NBAS: variants seen among roughly 807,000 people sequenced by gnomAD.
NBAS encodes the protein NBAS subunit of NRZ tethering complex, also known as NAG/BC035112 fusion.
Under a neutral mutation model 302.5 loss-of-function variants are expected in NBAS, and 219 were observed. That is an observed-to-expected ratio of 0.72 (90% CI 0.65 to 0.81). The LOEUF (loss-of-function observed/expected upper bound fraction) is 0.81, where lower values mean the gene tolerates loss of function less well. Among genes scored for constraint, NBAS ranks in the 30% least tolerant of loss-of-function variants. NBAS has a pLI of 0.00. For missense variants in NBAS, 2,932 were observed against 2,841.6 expected (o/e 1.03, Z -0.72); for synonymous variants, 1,118 against 1,021.6 (o/e 1.09, Z -1.80).
the NBAS span, among the ~76,000 whole-genome samples, chr2:15,122,483 C>T: frequency 3.3e-5 from 5 of 152,176 alleles, no homozygotes; most frequent in African/African-American, 4.8e-5. Flanking sequence ...GTTGGTGCTT[C>T]GTTCATGAGG....
the NBAS span, among the ~76,000 whole-genome samples, chr2:14,966,764 G>T: frequency 6.6e-6 from 1 of 152,196 alleles, no homozygotes; most frequent in South Asian, 2.1e-4. Context: ...CACTCTCGCC[G>T]TTTCTATTCA....
At chr2:15,534,722 A>G in intron 8 of NBAS, 81 bp from the exon 9 acceptor site, 1 of 1,087,078 alleles carries the variant, frequency 9.2e-7, no homozygotes, top group Non-Finnish European at 1.4e-6. Flanking sequence ...AATGTTTAGA[A>G]TTTAAAAGAC....
chr2:14,968,601 C>A, the NBAS span, among the ~76,000 whole-genome samples: 1 of 151,994 alleles, frequency 6.6e-6, no homozygotes, highest in Non-Finnish European at 1.5e-5. Context: ...CTGTGCCTGG[C>A]CGAACATGTT....
chr2:14,993,489 T>A, the NBAS span, among the ~76,000 whole-genome samples: 1 of 152,212 alleles, frequency 6.6e-6, no homozygotes, highest in Non-Finnish European at 1.5e-5. Context: ...TTTAGAGACA[T>A]TAATTTTTTC....
chr2:14,856,108 C>T, the NBAS span, among the ~76,000 whole-genome samples: 6 of 152,260 alleles, frequency 3.9e-5, no homozygotes, highest in South Asian at 1.2e-3. Flanking sequence ...CCCAAACATT[C>T]ACTATGTTTG....
the NBAS span, among the ~76,000 whole-genome samples, chr2:15,004,667 ATTTTTTTTTT>A: frequency 9.5e-6 from 1 of 105,454 alleles, no homozygotes; most frequent in African/African-American, 3.8e-5. Flanking sequence ...CTCCCAGCTG[ATTTTTTTTTT>A]TTTTTTTTTT....
At chr2:15,460,101 G>A (rs776697641) in intron 21 of NBAS, among the ~76,000 whole-genome samples, 6 of 152,154 alleles carry the variant, frequency 3.9e-5, no homozygotes, top group Admixed American at 1.3e-4. Flanking sequence ...GGCAGCAAGG[G>A]AGGAATGAGG....
At chr2:15,035,540 G>A in the NBAS span, among the ~76,000 whole-genome samples, 2 of 152,268 alleles carry the variant, frequency 1.3e-5, no homozygotes, top group East Asian at 3.9e-4. Flanking sequence ...ACATGCACGT[G>A]TATGTTCATT....
intron 12 of NBAS, among the ~76,000 whole-genome samples, chr2:15,486,095 C>G (rs1442907579): frequency 1.3e-5 from 2 of 152,002 alleles, no homozygotes; most frequent in East Asian, 3.9e-4. Flanking sequence ...GAACTCTGAA[C>G]CGGGGAAGGG....
chr2:15,451,666 A>G (rs1018432030), intron 21 of NBAS, among the ~76,000 whole-genome samples: 1 of 152,166 alleles, frequency 6.6e-6, no homozygotes, highest in Non-Finnish European at 1.5e-5. Context: ...TTGTTTTCAT[A>G]TCATAAGTTT....
chr2:14,820,525 G>A, the NBAS span, among the ~76,000 whole-genome samples: 2 of 152,154 alleles, frequency 1.3e-5, no homozygotes, highest in African/African-American at 4.8e-5. Flanking sequence ...GGAAAGTGTA[G>A]CACAGGGGTT....
the NBAS span, among the ~76,000 whole-genome samples, chr2:14,967,583 A>G: frequency 3.3e-5 from 5 of 152,234 alleles, no homozygotes; most frequent in Admixed American, 2.6e-4. Flanking sequence ...ATATACCTAG[A>G]GGTAAAAGTT....
chr2:15,541,954 G>C (rs1436952190), intron 6 of NBAS, among the ~76,000 whole-genome samples: 1 of 72,510 alleles, frequency 1.4e-5, no homozygotes, highest in Non-Finnish European at 3.3e-5. Flanking sequence ...GGAGGGAGGT[G>C]GGGGGGTCAG....
chr2:15,093,057 C>A, the NBAS span, among the ~76,000 whole-genome samples: 1 of 152,190 alleles, frequency 6.6e-6, no homozygotes, highest in Non-Finnish European at 1.5e-5. Context: ...CCTCCGTGAG[C>A]CTGCTCTGGC....
At chr2:14,887,807 G>C in the NBAS span, among the ~76,000 whole-genome samples, 1 of 151,730 alleles carries the variant, frequency 6.6e-6, no homozygotes, top group African/African-American at 2.4e-5. Context: ...CTTCTTATCT[G>C]CTATTAAAGC....
At chr2:15,335,729 C>T (rs542157069) in intron 35 of NBAS, among the ~76,000 whole-genome samples, 2 of 152,016 alleles carry the variant, frequency 1.3e-5, no homozygotes, top group Non-Finnish European at 2.9e-5. Flanking sequence ...GATACACATC[C>T]CTTATTAGAT....
chr2:15,257,337 T>C (rs1312339300), intron 44 of NBAS, among the ~76,000 whole-genome samples: 3 of 152,140 alleles, frequency 2.0e-5, no homozygotes, highest in African/African-American at 7.2e-5. Context: ...AAGGTGTTCA[T>C]AGTAGCTCTG....
rs1277963060 is a variant in NBAS, at chr2:15,328,286, T to C, written c.4374A>G (p.Gln1458=). The C allele has an allele frequency of 1.2e-6, 2 of 1,613,834 alleles. No homozygotes were observed. The highest frequency in any genetic ancestry group is 2.7e-5 in the African/African-American group (2 of 74,876). The change falls in exon 37 of 52, where the codon CAA becomes CAG. Residue 1458 remains glutamine, a synonymous_variant. Coordinates refer to ENST00000281513, the MANE Select transcript of NBAS (RefSeq NM_015909.4). ...GATCTTCATTGGCTGTAGTTCCGAT[T>C]TGATATGCACCACCACATTTTTGCC... ...LQGQKCGGAY[Q]IGTTANEDLE...
Position 15,534,570 on chromosome 2 carries a change from T to A in NBAS, c.719A>T (p.Asn240Ile). 6.2e-7 allele frequency: 1 copy of A among 1,613,326 alleles called. No individual in the cohort carries two copies. Among genetic ancestry groups the A allele is most frequent in the Non-Finnish European group, 8.5e-7 (1 of 1,179,262 alleles). The change falls in exon 9 of 52, where the codon AAC becomes ATC. Residue 240 changes from asparagine to isoleucine, a missense_variant. Transcript: ENST00000281513. The part of the protein sequence containing the change: ...SFSSHYPHGI[N>I]TAIYHPGHRL... Reference sequence around the variant, plus strand: ...GTGACCAGGGTGGTAAATAGCTGTGTTGATTCCATGAGGATAATGACTACT... The same window carrying A: ...GTGACCAGGGTGGTAAATAGCTGTGATGATTCCATGAGGATAATGACTACT...
Sources: allele counts gnomAD v4.1 joint callset (sites outside exome capture counted in the v4.1 genomes callset), GRCh38; gene constraint gnomAD v4.1.1; transcripts MANE v1.5; gene names NCBI Gene and HGNC (gene_info 2026-07-23, HGNC 2026-07-21).